Variants in PLEKHH1 observed in about 807,000 individuals in gnomAD.
The protein encoded by PLEKHH1 is pleckstrin homology domain-containing family H member 1.
In PLEKHH1, 104 loss-of-function variants were observed where a neutral mutation model predicts 160.0. The observed-to-expected ratio is 0.65, with a 90% confidence interval of 0.55 to 0.76. PLEKHH1 has a LOEUF of 0.76. Ranked by LOEUF, PLEKHH1 falls within the 30% of genes least tolerant of loss-of-function variation. The pLI is 0.00. For synonymous variants in PLEKHH1, 619 were observed against 678.4 expected, an observed-to-expected ratio of 0.91 and a Z score of 1.36; for missense variants, 1,427 against 1,724.1, an observed-to-expected ratio of 0.83 and a Z score of 3.05.
In PLEKHH1 at chr14:67,543,003, G is replaced by A. The variant is rs557130958; in HGVS notation, c.126+1010G>A. On this transcript the variant is annotated intron_variant, in intron 2 of 28. Transcript: ENST00000329153. ...TGGGATTACAGACATGAGCCACTGC[G>A]CTCAGCTGGAAGATACATTCTAAAC... 5.3e-5 allele frequency among the ~76,000 whole-genome samples: 8 copies of A among 152,298 alleles called. 1 individual carries two copies. The South Asian group carries it at 1.2e-3, about 24-fold the overall frequency.
chr14:67,569,729 C>T, intron 8 of PLEKHH1, 192 bp from the exon 9 acceptor site: 1 of 602,216 alleles, frequency 1.7e-6, no homozygotes, highest in Non-Finnish European at 3.0e-6. Context: ...TGTGAGGGAT[C>T]CTTTACCACA....
intron 1 of PLEKHH1, among the ~76,000 whole-genome samples, chr14:67,534,678 G>C (rs1788495892): frequency 6.6e-6 from 1 of 152,082 alleles, no homozygotes; most frequent in African/African-American, 2.4e-5. Context: ...TGCAGCCTGT[G>C]GCCCCAAACT....
chr14:67,564,911 G>A (rs772404073), intron 7 of PLEKHH1, among the ~76,000 whole-genome samples: 12 of 152,006 alleles, frequency 7.9e-5, no homozygotes, highest in Non-Finnish European at 1.5e-4. Flanking sequence ...GGCTGGTCTC[G>A]AACTCCCAGG....
At position 67,579,502 on chromosome 14, in the gene PLEKHH1, G is replaced by A. The variant is rs562592642; in HGVS notation, c.3027+191G>A. 36 of 646,778 alleles carry A rather than the reference G, an allele frequency of 5.6e-5. No individual in the cohort carries two copies. The African/African-American group carries it at 6.1e-4, about 11-fold the overall frequency. 40.1% of individuals were successfully genotyped at this position (646,778 alleles called of 1,614,324 possible). A position where few individuals can be genotyped will look rare whatever the true frequency, so the allele number is the denominator to read the frequency against. On this transcript the variant is annotated intron_variant, in intron 21 of 28. Transcript: ENST00000329153. Reference sequence around the variant, plus strand: ...AAGAAAGGGCCTCCAAAAGATTGTTGGTAAAGGAGGGACCCAGGTATGCCC... The same window carrying A: ...AAGAAAGGGCCTCCAAAAGATTGTTAGTAAAGGAGGGACCCAGGTATGCCC...
intron 11 of PLEKHH1, 82 bp downstream of exon 11, chr14:67,572,359 G>GC: frequency 1.8e-6 from 2 of 1,120,962 alleles, no homozygotes; most frequent in Non-Finnish European, 2.4e-6. Flanking sequence ...GACATAGGCA[G>GC]TAGCTGCCTG....
intron 18 of PLEKHH1, 24 bp from the exon 19 acceptor site, chr14:67,577,999 G>A (rs1325198565): frequency 6.2e-7 from 1 of 1,606,020 alleles, no homozygotes; most frequent in African/African-American, 1.3e-5. Flanking sequence ...TGGTCTGCCT[G>A]TGCTCACTGC....
Position 67,574,518 on chromosome 14 carries a change from G to A in PLEKHH1, c.2088+115G>A. 1.2e-6 allele frequency: 1 copy of A among 835,466 alleles called. No homozygotes were observed. The highest frequency in any genetic ancestry group is 1.7e-6 in the Non-Finnish European group (1 of 580,866). The allele number at this position is 835,466 out of a possible 1,614,324, so 51.8% of individuals were successfully genotyped here. ...TTATACGGGGCTCCTTTCTCTGGGA[G>A]CCTCCTCACAGTGACTCGCTGGCCA... On this transcript the variant is annotated intron_variant, in intron 14 of 28. Transcript: ENST00000329153. The surrounding 1 kb of genome is among the most constrained non-coding windows in gnomAD (Gnocchi z 4.2).
At chr14:67,561,918 T>C in intron 5 of PLEKHH1, 36 bp from the exon 6 acceptor site, 3 of 1,400,998 alleles carry the variant, frequency 2.1e-6, no homozygotes, top group Non-Finnish European at 3.0e-6. Flanking sequence ...ACCTGTAGGC[T>C]GGGTGTCCTA....
rs754358524 is a variant in PLEKHH1, at chr14:67,555,936, G to A, written c.189+49G>A. On this transcript the variant is annotated intron_variant, in intron 3 of 28. Coordinates refer to ENST00000329153, the MANE Select transcript of PLEKHH1 (RefSeq NM_020715.3). ...GGAATATGCAGGGGAATGACCGTCG[G>A]CCCTTCCAGGCCCTTCCCACGGACA... The A allele has an allele frequency of 7.5e-6, 12 of 1,592,042 alleles. 1 individual carries two copies. Among genetic ancestry groups the A allele is most frequent in the Middle Eastern group, 1.9e-4 (1 of 5,384 alleles).
rs2035289652 is a variant in PLEKHH1, at chr14:67,569,910, T to C, written c.1343-11T>C. 1 of 1,580,860 alleles carries C rather than the reference T, an allele frequency of 6.3e-7. No individual in the cohort carries two copies. Among genetic ancestry groups the C allele is most frequent in the Non-Finnish European group, 8.7e-7 (1 of 1,153,780 alleles). On this transcript the variant is annotated splice_polypyrimidine_tract_variant and intron_variant, in intron 8 of 28. Coordinates refer to ENST00000329153, the MANE Select transcript of PLEKHH1 (RefSeq NM_020715.3). ...CCCTTGAGTAATCTCATTCCTCTCT[T>C]CCCTGCTCAGCTTCAAGCCCTCCTG...
chr14:67,561,821 A>G (rs11628043), intron 5 of PLEKHH1, 133 bp from the exon 6 acceptor site: 683,045 of 683,052 alleles, frequency 1, 341,519 homozygotes, highest in Middle Eastern at 1. Context: ...AGTGAGCCAA[A>G]ATTGCTCCAC....
intron 5 of PLEKHH1, among the ~76,000 whole-genome samples, chr14:67,560,576 A>G (rs1324749378): frequency 6.6e-6 from 1 of 151,994 alleles, no homozygotes; most frequent in Non-Finnish European, 1.5e-5. Flanking sequence ...TTCCCTCTCT[A>G]TCTATCCATT....
At position 67,574,397 on chromosome 14, in the gene PLEKHH1, G is replaced by A; in HGVS notation, c.2082G>A (p.Leu694=). ...GGTKPTVKGW[L]TKVKHGHSKV... is the part of the protein sequence containing the mutation. ...CCAAGCCCACCGTGAAGGGCTGGCTGACCAAGGTAGAGGGTGGGGCTGATA... is the reference window on the plus strand; with the variant it reads ...CCAAGCCCACCGTGAAGGGCTGGCTAACCAAGGTAGAGGGTGGGGCTGATA... The change falls in exon 14 of 29, where the codon CTG becomes CTA. Residue 694 remains leucine (L), a synonymous_variant. Transcript: ENST00000329153. This position sits in a 1 kb window ranked among gnomAD's most constrained non-coding sequence, Gnocchi z 4.2. The A allele has an allele frequency of 6.4e-7, 1 of 1,568,904 alleles. No homozygotes were observed. The highest frequency in any genetic ancestry group is 8.6e-7 in the Non-Finnish European group (1 of 1,158,102).
In PLEKHH1 at chr14:67,587,132, AC is replaced by A. The variant is rs761759640; in HGVS notation, c.3999del (p.Thr1334ProfsTer43). ...ATGAACCATTGCACTACAACTGTGA[AC>A]CCCCCCACCAACCCACCCGGAGCCT... is the stretch of plus-strand genomic sequence containing the variant. ...SYMNHCTTTV[N>X]PPTNPPGACQ... On this transcript the variant is annotated frameshift_variant, in exon 29 of 29. Coordinates refer to ENST00000329153, the MANE Select transcript of PLEKHH1 (RefSeq NM_020715.3). LOFTEE classifies it high-confidence loss of function. 11 of 1,613,204 alleles carry A rather than the reference AC, an allele frequency of 6.8e-6. No homozygotes were observed. The highest frequency in any genetic ancestry group is 4.4e-5 in the South Asian group (4 of 91,024).
At chr14:67,586,983 C>T in intron 28 of PLEKHH1, 91 bp from the exon 29 acceptor site, 1 of 1,531,814 alleles carries the variant, frequency 6.5e-7, no homozygotes, top group Non-Finnish European at 8.8e-7. Flanking sequence ...AAACTGAGGC[C>T]CAGGAACTCA....
At chr14:67,566,063 G>C (rs985033568) in intron 7 of PLEKHH1, among the ~76,000 whole-genome samples, 57 of 152,336 alleles carry the variant, frequency 3.7e-4, no homozygotes, top group Middle Eastern at 3.4e-3. Context: ...AGGTTGCAGT[G>C]AGCTGAGATT....
In PLEKHH1 at chr14:67,573,191, G is replaced by A. The variant is rs2140477589; in HGVS notation, c.1729-85G>A. The A allele has an allele frequency of 1.3e-6, 1 of 799,452 alleles. No individual in the cohort carries two copies. The highest frequency in any genetic ancestry group is 2.2e-6 in the Non-Finnish European group (1 of 464,346). 49.5% of individuals were successfully genotyped at this position (799,452 alleles called of 1,614,324 possible). A position where few individuals can be genotyped will look rare whatever the true frequency, so the allele number is the denominator to read the frequency against. On this transcript the variant is annotated intron_variant, in intron 11 of 28. Coordinates refer to ENST00000329153, the MANE Select transcript of PLEKHH1 (RefSeq NM_020715.3). The surrounding 1 kb of genome is among the most constrained non-coding windows in gnomAD (Gnocchi z 4.8). The stretch of plus-strand genomic sequence containing the variant: ...TATTTAATTGATGACCGAGTAGTGA[G>A]GCAGCTGGACCACTTGGACCTGTGT...
At chr14:67,583,622 A>T (rs79763265) in intron 24 of PLEKHH1, 119 bp from the exon 25 acceptor site, 17,920 of 675,136 alleles carry the variant, frequency 0.027, 747 homozygotes, top group East Asian at 0.13. Context: ...ATTTTTCACA[A>T]CCACTCGCAC....
chr14:67,540,950 T>TA (rs1473236698), intron 1 of PLEKHH1, among the ~76,000 whole-genome samples: 1 of 152,224 alleles, frequency 6.6e-6, no homozygotes, highest in African/African-American at 2.4e-5. Context: ...TGGCTGGACA[T>TA]ACTATAGGTG....
Sources: gnomAD v4.1 joint callset for allele counts (sites outside exome capture counted in the v4.1 genomes callset) on GRCh38, gnomAD v4.1.1 for gene constraint, Gnocchi (gnomAD v3.1) non-coding constraint, MANE v1.5 for transcripts, NCBI Gene and HGNC (gene_info 2026-07-23, HGNC 2026-07-21) for gene names.